Variants in SHB observed in about 807,000 individuals in gnomAD.
The protein encoded by SHB is SH2 domain containing adaptor protein B.
SHB carries 20 observed loss-of-function variants against 52.3 expected under a neutral mutation model. That is an observed-to-expected ratio of 0.38 (90% CI 0.27 to 0.56). The LOEUF is 0.56. SHB is among the 20% of genes least tolerant of loss of function. The pLI is 0.71. For synonymous variants in SHB, 397 were observed against 316.5 expected (o/e 1.25, Z -2.70); for missense variants, 825 against 723.3 (o/e 1.14, Z -1.61).
intron 3 of SHB, among the ~76,000 whole-genome samples, chr9:37,970,680 T>C (rs1298131872): frequency 2.0e-5 from 3 of 152,242 alleles, no homozygotes; most frequent in East Asian, 1.9e-4. Context: ...CCAGAGCTGG[T>C]TGCAGACTGA....
chr9:37,944,151 C>A (rs944880539), intron 5 of SHB, among the ~76,000 whole-genome samples: 5 of 152,172 alleles, frequency 3.3e-5, no homozygotes, highest in Admixed American at 6.5e-5. Context: ...CAAGGGCAAT[C>A]AGGCAGAATC....
chr9:37,990,803 C>A (rs573117833), intron 2 of SHB, among the ~76,000 whole-genome samples: 111 of 152,334 alleles, frequency 7.3e-4, no homozygotes, highest in African/African-American at 2.4e-3. Flanking sequence ...GAACACATCA[C>A]GCTACAGTCA....
intron 5 of SHB, among the ~76,000 whole-genome samples, chr9:37,927,670 A>G (rs1832265881): frequency 6.6e-6 from 1 of 152,228 alleles, no homozygotes; most frequent in African/African-American, 2.4e-5. Flanking sequence ...ATTATTAGAC[A>G]AGAAGTTTTT....
chr9:38,043,510 A>G (rs186944760), intron 1 of SHB, among the ~76,000 whole-genome samples: 4 of 152,304 alleles, frequency 2.6e-5, no homozygotes, highest in Admixed American at 2.6e-4. Flanking sequence ...TGGGAGAGAA[A>G]CGCAAGGTGT....
chr9:37,925,372 G>C (rs1587192685), intron 5 of SHB, among the ~76,000 whole-genome samples: 1 of 152,240 alleles, frequency 6.6e-6, no homozygotes, highest in Non-Finnish European at 1.5e-5. Context: ...GAGTGGGAAG[G>C]ACTGGGGAGC....
At chr9:37,934,335 T>C (rs1209750865) in intron 5 of SHB, among the ~76,000 whole-genome samples, 3 of 152,206 alleles carry the variant, frequency 2.0e-5, no homozygotes, top group Non-Finnish European at 4.4e-5. Context: ...TCTTGCTTTG[T>C]TGTCCAGGCT....
intron 2 of SHB, among the ~76,000 whole-genome samples, chr9:37,992,148 C>A (rs2118017262): frequency 6.6e-6 from 1 of 152,306 alleles, no homozygotes; most frequent in African/African-American, 2.4e-5. Flanking sequence ...CACCTGTAAT[C>A]CCAGCACTTT....
chr9:38,066,553 A>G (rs1821962951), intron 1 of SHB, among the ~76,000 whole-genome samples: 1 of 152,166 alleles, frequency 6.6e-6, no homozygotes, highest in African/African-American at 2.4e-5. Context: ...GCTAGTCGTC[A>G]TCTAGGTGTG....
At chr9:37,933,861 G>A (rs1832339650) in intron 5 of SHB, among the ~76,000 whole-genome samples, 1 of 152,276 alleles carries the variant, frequency 6.6e-6, no homozygotes. Flanking sequence ...GCCCAGCTCC[G>A]AGCTCTAGCT....
At position 37,978,836 on chromosome 9, in the gene SHB, G is replaced by A. The variant is rs528482250; in HGVS notation, c.839-3999C>T. 5.9e-5 allele frequency among the ~76,000 whole-genome samples: 9 copies of A among 152,336 alleles called. No homozygotes were observed. The East Asian group carries it at 1.3e-3, about 23-fold the overall frequency. ...ATTTTTGAAAGTTGTTTTAAATAAT[G>A]AATAAAGACACTAGAGCAGAAAAAA... On this transcript the variant is annotated intron_variant, in intron 2 of 5. Coordinates refer to ENST00000377707, the MANE Select transcript of SHB (RefSeq NM_003028.3).
In SHB at chr9:37,992,309, G is replaced by C. The variant is rs183480996; in HGVS notation, c.839-17472C>G. Reference sequence around the variant, plus strand: ...CCAGCTACTCAGGAGGCTGAGGCAGGAGAATCACTTCAACCCAGGAGGCGG... The same window carrying C: ...CCAGCTACTCAGGAGGCTGAGGCAGCAGAATCACTTCAACCCAGGAGGCGG... On this transcript the variant is annotated intron_variant, in intron 2 of 5. Coordinates refer to ENST00000377707, the MANE Select transcript of SHB (RefSeq NM_003028.3). 8.2e-3 allele frequency among the ~76,000 whole-genome samples: 1,256 copies of C among 152,286 alleles called. 8 individuals carry two copies. The highest frequency in any genetic ancestry group is 0.013 in the Non-Finnish European group (873 of 68,030).
At chr9:38,019,741 T>C (rs1417890027) in intron 1 of SHB, among the ~76,000 whole-genome samples, 1 of 143,168 alleles carries the variant, frequency 7.0e-6, no homozygotes, top group African/African-American at 2.7e-5. Flanking sequence ...CTTCTCAGTA[T>C]TTATTCCCAA....
At chr9:37,949,981 G>C (rs1348276442) in intron 4 of SHB, among the ~76,000 whole-genome samples, 2 of 152,180 alleles carry the variant, frequency 1.3e-5, no homozygotes, top group South Asian at 4.1e-4. Flanking sequence ...CCGTCACCCA[G>C]GCTGGAGTGC....
intron 2 of SHB, among the ~76,000 whole-genome samples, chr9:37,996,027 T>C (rs1820943086): frequency 6.6e-6 from 1 of 152,216 alleles, no homozygotes; most frequent in Admixed American, 6.5e-5. Flanking sequence ...GCTCCCACTG[T>C]TTAAAATGAA....
intron 2 of SHB, among the ~76,000 whole-genome samples, chr9:37,994,090 C>T (rs1054907504): frequency 1.7e-4 from 26 of 152,232 alleles, no homozygotes; most frequent in African/African-American, 5.8e-4. Flanking sequence ...CTCAGTGGTT[C>T]ATTTACTTAC....
chr9:37,949,643 A>G (rs1832541614), intron 4 of SHB, among the ~76,000 whole-genome samples: 1 of 152,186 alleles, frequency 6.6e-6, no homozygotes, highest in Admixed American at 6.5e-5. Context: ...ATGGGGCTGC[A>G]GCAGGGGCTT....
At chr9:38,065,947 G>A (rs1438374785) in intron 1 of SHB, among the ~76,000 whole-genome samples, 1 of 151,964 alleles carries the variant, frequency 6.6e-6, no homozygotes, top group Non-Finnish European at 1.5e-5. Flanking sequence ...TGCACTCCTC[G>A]ATGCCACACC....
At chr9:38,054,331 A>C (rs898575578) in intron 1 of SHB, among the ~76,000 whole-genome samples, 1 of 152,202 alleles carries the variant, frequency 6.6e-6, no homozygotes, top group Non-Finnish European at 1.5e-5. Flanking sequence ...TCAGCCACGC[A>C]ACCTCTGCTC....
chr9:38,035,360 C>T (rs1306131686), intron 1 of SHB, among the ~76,000 whole-genome samples: 1 of 151,798 alleles, frequency 6.6e-6, no homozygotes, highest in Non-Finnish European at 1.5e-5. Flanking sequence ...CAAGGAGGAC[C>T]TAGACTGAGA....
Sources: gnomAD v4.1 joint callset for allele counts (sites outside exome capture counted in the v4.1 genomes callset) on GRCh38, gnomAD v4.1.1 for gene constraint, MANE v1.5 for transcripts, NCBI Gene and HGNC (gene_info 2026-07-23, HGNC 2026-07-21) for gene names.